The following ATP13A3 variants were observed in gnomAD, a reference collection of about 807,000 sequenced individuals.
ATP13A3 encodes ATPase 13A3.
A neutral mutation model predicts 158.1 loss-of-function variants in ATP13A3; 59 were observed. That is an observed-to-expected ratio of 0.37 (90% CI 0.30 to 0.46). The LOEUF (loss-of-function observed/expected upper bound fraction) is 0.46, where lower values mean the gene tolerates loss of function less well. ATP13A3 is among the 20% of genes least tolerant of loss of function. ATP13A3 has a pLI of 1.00. For synonymous variants in ATP13A3, 491 were observed against 504.3 expected, an observed-to-expected ratio of 0.97 and a Z score of 0.35; for missense variants, 1,166 against 1,525.2, an observed-to-expected ratio of 0.76 and a Z score of 3.92.
At chr3:194,442,402 A>G (rs1718110990) in intron 15 of ATP13A3, among the ~76,000 whole-genome samples, 1 of 152,184 alleles carries the variant, frequency 6.6e-6, no homozygotes, top group South Asian at 2.1e-4. Context: ...GTTCAAAACC[A>G]GCCTGGGAAA....
At chr3:194,482,786 C>A (rs1720802158) in intron 2 of ATP13A3, among the ~76,000 whole-genome samples, 1 of 151,848 alleles carries the variant, frequency 6.6e-6, no homozygotes, top group Non-Finnish European at 1.5e-5. Flanking sequence ...CAAGCCTGGG[C>A]AACAAACCGA....
chr3:194,426,182 C>T (rs1716754581), intron 29 of ATP13A3, among the ~76,000 whole-genome samples: 2 of 152,068 alleles, frequency 1.3e-5, no homozygotes, highest in East Asian at 1.9e-4. Context: ...CAAGAAAATT[C>T]CACCTCTTTT....
intron 16 of ATP13A3, among the ~76,000 whole-genome samples, chr3:194,439,905 C>A (rs184349138): frequency 6.6e-6 from 1 of 152,186 alleles, no homozygotes; most frequent in Non-Finnish European, 1.5e-5. Flanking sequence ...TAGAGAAGAA[C>A]GATAAATCAG....
chr3:194,453,566 T>TC, intron 10 of ATP13A3, 140 bp downstream of exon 10: 2 of 678,976 alleles, frequency 2.9e-6, no homozygotes, highest in South Asian at 4.2e-5. Context: ...GCCTTTGCAC[T>TC]CCAGCCTAAG....
rs183327685 is a variant in ATP13A3, at chr3:194,438,266, T to C, written c.1827+590A>G. The stretch of plus-strand genomic sequence containing the variant: ...ACAAATAAGATAAAGTGGTGTTTAT[T>C]AGAATCTTGGTAAATTTCTTGGATA... On this transcript the variant is annotated intron_variant, in intron 17 of 33. Transcript: ENST00000645319. Among the ~76,000 whole-genome samples the C allele has an allele frequency of 3.9e-3, 600 of 152,336 alleles. 5 individuals are homozygous for C. Among genetic ancestry groups the C allele is most frequent in the Middle Eastern group, 0.017 (5 of 294 alleles).
chr3:194,422,403 T>C (rs1357732325), intron 30 of ATP13A3, among the ~76,000 whole-genome samples: 3 of 152,226 alleles, frequency 2.0e-5, no homozygotes, highest in Non-Finnish European at 4.4e-5. Context: ...TGTGTGTCAC[T>C]GGTGACTGCA....
intron 10 of ATP13A3, chr3:194,451,423 A>G (rs1718798446): frequency 6.6e-6 from 1 of 152,214 alleles, no homozygotes; most frequent in South Asian, 2.1e-4. Flanking sequence ...GGTATCAATG[A>G]CATGTAAGAC....
At chr3:194,442,452 A>C (rs773526613) in intron 15 of ATP13A3, among the ~76,000 whole-genome samples, 3 of 152,164 alleles carry the variant, frequency 2.0e-5, no homozygotes, top group Non-Finnish European at 4.4e-5. Context: ...GTTTAAAATA[A>C]AAAAATAAAG....
chr3:194,419,795 A>T, intron 31 of ATP13A3, 84 bp downstream of exon 31: 3 of 1,506,672 alleles, frequency 2.0e-6, no homozygotes, highest in Non-Finnish European at 1.8e-6. Flanking sequence ...ATCTTAGAAT[A>T]CACAAAAAGA....
At chr3:194,408,370 C>T (rs1715110172) in intron 33 of ATP13A3, among the ~76,000 whole-genome samples, 1 of 152,142 alleles carries the variant, frequency 6.6e-6, no homozygotes, top group African/African-American at 2.4e-5. Context: ...AGGAAATAAA[C>T]TAATGTTGAC....
intron 2 of ATP13A3, among the ~76,000 whole-genome samples, chr3:194,484,497 T>C (rs1185014879): frequency 6.6e-6 from 1 of 152,184 alleles, no homozygotes; most frequent in African/African-American, 2.4e-5. Context: ...ATCATATTAC[T>C]ATGGATATAC....
intron 10 of ATP13A3, chr3:194,452,067 A>G (rs1577069640): frequency 6.6e-6 from 1 of 152,350 alleles, no homozygotes; most frequent in Non-Finnish European, 1.5e-5. Flanking sequence ...AAAACCCTTC[A>G]ATGGTGGCTA....
intron 2 of ATP13A3, among the ~76,000 whole-genome samples, chr3:194,474,090 T>G (rs1287303699): frequency 6.6e-6 from 1 of 152,224 alleles, no homozygotes; most frequent in Non-Finnish European, 1.5e-5. Context: ...ATAAAAGTTT[T>G]GTGCTTTCTT....
chr3:194,492,494 G>A (rs1359476109), intron 2 of ATP13A3, among the ~76,000 whole-genome samples: 1 of 150,774 alleles, frequency 6.6e-6, no homozygotes, highest in East Asian at 1.9e-4. Flanking sequence ...AGTCTCGTTG[G>A]GTCACCCAGG....
At chr3:194,410,239 G>C (rs1715264744) in intron 33 of ATP13A3, among the ~76,000 whole-genome samples, 1 of 127,368 alleles carries the variant, frequency 7.9e-6, no homozygotes. Flanking sequence ...GCAGGCAGAT[G>C]GCTTGAACCC....
At chr3:194,413,862 A>C in intron 31 of ATP13A3, 23 bp from the exon 32 acceptor site, 1 of 1,593,018 alleles carries the variant, frequency 6.3e-7, no homozygotes, top group East Asian at 2.2e-5. Flanking sequence ...AACATTTTAA[A>C]GTTAAAATTG....
chr3:194,460,522 T>A, intron 4 of ATP13A3, 136 bp downstream of exon 4: 1 of 918,940 alleles, frequency 1.1e-6, no homozygotes, highest in Non-Finnish European at 1.7e-6. Context: ...ACAAATCCTC[T>A]AGAAATACTA....
At chr3:194,444,990 G>A (rs1051296079) in intron 14 of ATP13A3, among the ~76,000 whole-genome samples, 1 of 152,076 alleles carries the variant, frequency 6.6e-6, no homozygotes, top group East Asian at 1.9e-4. Flanking sequence ...GGGAGAGGGG[G>A]TGCAAACAAT....
chr3:194,481,539 A>G (rs563206560), intron 2 of ATP13A3, among the ~76,000 whole-genome samples: 5 of 152,310 alleles, frequency 3.3e-5, no homozygotes, highest in African/African-American at 9.6e-5. Flanking sequence ...TCTTCTCTAA[A>G]AAGGCACTAA....
Sources: gnomAD v4.1 joint callset for allele counts (sites outside exome capture counted in the v4.1 genomes callset) on GRCh38, gnomAD v4.1.1 for gene constraint, MANE v1.5 for transcripts, NCBI Gene and HGNC (gene_info 2026-07-23, HGNC 2026-07-21) for gene names.